Variants in MTCL1 observed in about 807,000 individuals in gnomAD.
MTCL1 encodes the protein microtubule cross-linking factor 1.
Under a neutral mutation model 141.4 loss-of-function variants are expected in MTCL1, and 79 were observed. The observed-to-expected ratio is 0.56, with a 90% CI of 0.47 to 0.67. The LOEUF (loss-of-function observed/expected upper bound fraction) is 0.67. Ranked by LOEUF, MTCL1 falls within the 30% of genes least tolerant of loss-of-function variation. The pLI, the probability that MTCL1 is intolerant of heterozygous loss-of-function variation, is 0.00. For missense variants in MTCL1, 2,177 were observed against 2,113.9 expected (o/e 1.03, Z -0.59); for synonymous variants, 914 against 875.8 (o/e 1.04, Z -0.77).
chr18:8,718,315 A>G lies in MTCL1; in HGVS notation c.-27-109A>G, dbSNP rs1264358009. On this transcript the variant is annotated intron_variant, in intron 2 of 16. Coordinates refer to ENST00000359865, the Ensembl canonical transcript of MTCL1. The stretch of plus-strand genomic sequence containing the variant: ...AGGCGTGGCCATGAGGTGATGGGTA[A>G]GCGTGTAGGTATTCAATATTTAGTA... 2.8e-6 allele frequency: 3 copies of G among 1,083,994 alleles called. No homozygotes were observed. The African/African-American group carries it at 4.7e-5, about 17-fold the overall frequency. 67.1% of individuals were successfully genotyped at this position (1,083,994 alleles called of 1,614,324 possible).
intron 8 of MTCL1, 26 bp from the exon 8 acceptor site, chr18:8,796,204 TCA>T (rs1483520924): frequency 6.2e-7 from 1 of 1,610,886 alleles, no homozygotes; most frequent in South Asian, 1.1e-5. Flanking sequence ...TAGCTGCTTG[TCA>T]CACTGTCTCT....
chr18:8,807,423 T>C (rs765280273), intron 11 of MTCL1, among the ~76,000 whole-genome samples: 6 of 152,240 alleles, frequency 3.9e-5, no homozygotes, highest in Non-Finnish European at 8.8e-5. Flanking sequence ...TGTGGTTTAG[T>C]TGTCTTTGAA....
chr18:8,746,870 A>G (rs563637843), intron 4 of MTCL1, among the ~76,000 whole-genome samples: 7 of 152,172 alleles, frequency 4.6e-5, no homozygotes, highest in Admixed American at 1.3e-4. Context: ...AATAAATGCA[A>G]AAAGGGTGGT....
intron 4 of MTCL1, among the ~76,000 whole-genome samples, chr18:8,721,725 T>C (rs199863807): frequency 0.062 from 9,399 of 152,222 alleles, 374 homozygotes; most frequent in African/African-American, 0.11. Flanking sequence ...TCTGGGACAT[T>C]ATTTGTCTAT....
At chr18:8,786,408 G>C (rs563086986) in intron 7 of MTCL1, 4 of 568,436 alleles carry the variant, frequency 7.0e-6, no homozygotes, top group East Asian at 7.9e-5. Context: ...TTCTTGTCCA[G>C]TCGCAGAGAA....
At chr18:8,711,899 C>T (rs1044134634) in intron 1 of MTCL1, among the ~76,000 whole-genome samples, 1 of 152,190 alleles carries the variant, frequency 6.6e-6, no homozygotes, top group Non-Finnish European at 1.5e-5. Context: ...TGTTCCTTCC[C>T]TGCCAGGCTG....
chr18:8,706,023 C>A, exon 1 of MTCL1: 4 of 1,173,836 alleles, frequency 3.4e-6, no homozygotes, highest in African/African-American at 3.2e-5. Context: ...GAGCGGCGGG[C>A]GGTGCCAAGG....
chr18:8,822,980 C>T lies in MTCL1; in HGVS notation c.3188+1482C>T, dbSNP rs554007866. ...CGGAGGTTGCAGTGAACCGAGATTG[C>T]GCCACTGCACTACATCCTGGGCGAC... is the stretch of plus-strand genomic sequence containing the variant. On this transcript the variant is annotated intron_variant, in intron 14 of 16. Transcript: ENST00000359865. This position sits in a 1 kb window ranked among gnomAD's most constrained non-coding sequence, Gnocchi z 4.6. Among the ~76,000 whole-genome samples the T allele has an allele frequency of 5.3e-5, 8 of 151,482 alleles. No individual in the cohort carries two copies. Among genetic ancestry groups the T allele is most frequent in the Non-Finnish European group, 8.8e-5 (6 of 67,924 alleles).
At chr18:8,804,510 T>A (rs1408847552) in intron 10 of MTCL1, among the ~76,000 whole-genome samples, 1 of 152,210 alleles carries the variant, frequency 6.6e-6, no homozygotes, top group African/African-American at 2.4e-5. Flanking sequence ...AGTATAGTGG[T>A]AATTTATTTC....
intron 10 of MTCL1, among the ~76,000 whole-genome samples, chr18:8,804,671 T>C (rs2076231766): frequency 6.6e-6 from 1 of 152,110 alleles, no homozygotes; most frequent in Non-Finnish European, 1.5e-5. Context: ...GAGCAATAAA[T>C]ATGAACAAAC....
At chr18:8,722,488 C>T (rs2096179923) in intron 4 of MTCL1, among the ~76,000 whole-genome samples, 1 of 152,168 alleles carries the variant, frequency 6.6e-6, no homozygotes, top group South Asian at 2.1e-4. Flanking sequence ...TTCCTGATAA[C>T]ATAAAACAGC....
At chr18:8,773,960 G>A (rs1304146524) in intron 4 of MTCL1, among the ~76,000 whole-genome samples, 1 of 152,022 alleles carries the variant, frequency 6.6e-6, no homozygotes, top group Admixed American at 6.6e-5. Flanking sequence ...CCTTTTCAAA[G>A]TGTTCTTGGC....
rs754648321 is a variant in MTCL1 at position 8,825,471 on chromosome 18, A to G, written c.3961A>G (p.Thr1321Ala). Residue 1321 changes from threonine to alanine, a missense_variant, in exon 15 of 17, where the codon ACT (threonine) becomes GCT (alanine). Coordinates refer to ENST00000359865, the Ensembl canonical transcript of MTCL1. ...TGGGTCCCGGACGATGGGGACCCAG[A>G]CTGTTCAGACCATCAGTGTGGGCTT... 1.9e-6 allele frequency: 3 copies of G among 1,605,910 alleles called. No individual in the cohort carries two copies. The highest frequency in any genetic ancestry group is 1.7e-5 in the Admixed American group (1 of 59,788).
intron 10 of MTCL1, among the ~76,000 whole-genome samples, chr18:8,805,817 G>C (rs895788012): frequency 2.0e-5 from 3 of 152,164 alleles, no homozygotes; most frequent in Non-Finnish European, 2.9e-5. Flanking sequence ...TGTGCTTTCC[G>C]TGCTGGTTGG....
At chr18:8,785,837 T>C (rs2096551347) in intron 6 of MTCL1, 99 bp from the exon 6 acceptor site, 2 of 1,444,272 alleles carry the variant, frequency 1.4e-6, no homozygotes. Context: ...GTTTTCTTTA[T>C]CCCCCCTCCC....
chr18:8,749,237 C>G (rs113319599), intron 4 of MTCL1, among the ~76,000 whole-genome samples: 11 of 152,178 alleles, frequency 7.2e-5, no homozygotes, highest in African/African-American at 2.4e-4. Context: ...GTGGCACCCC[C>G]AAATGCAGTT....
chr18:8,827,698 G>A (rs889031619), intron 15 of MTCL1, among the ~76,000 whole-genome samples: 1 of 152,164 alleles, frequency 6.6e-6, no homozygotes, highest in Admixed American at 6.5e-5. Flanking sequence ...TTGGGGCTAT[G>A]TCACAAAGCA....
At chr18:8,791,350 A>T (rs867150971) in intron 7 of MTCL1, among the ~76,000 whole-genome samples, 1 of 151,742 alleles carries the variant, frequency 6.6e-6, no homozygotes, top group Non-Finnish European at 1.5e-5. Context: ...TGGTCCGGGA[A>T]TCCCCAAAGA....
intron 4 of MTCL1, among the ~76,000 whole-genome samples, chr18:8,767,591 A>G (rs921397020): frequency 4.6e-5 from 7 of 152,314 alleles, no homozygotes; most frequent in African/African-American, 1.7e-4. Context: ...TTAATCCTGC[A>G]GTTTAATCTC....
Sources: gnomAD v4.1 joint callset for allele counts (sites outside exome capture counted in the v4.1 genomes callset) on GRCh38, gnomAD v4.1.1 for gene constraint, Gnocchi (gnomAD v3.1) non-coding constraint, MANE v1.5 for transcripts, NCBI Gene and HGNC (gene_info 2026-07-23, HGNC 2026-07-21) for gene names.